APBA2: variants seen among roughly 807,000 people sequenced by gnomAD.
APBA2 encodes the protein amyloid-beta A4 precursor protein-binding family A member 2.
In APBA2, 30 loss-of-function variants were observed where a neutral mutation model predicts 75.0. The ratio of observed to expected loss-of-function variants is 0.40; its 90% confidence interval spans 0.30 to 0.54. APBA2 has a LOEUF of 0.54. Among genes scored for constraint, APBA2 ranks in the 20% least tolerant of loss-of-function variants. The probability of loss-of-function intolerance (pLI) is 0.49; values close to 1 mark genes in which losing one functional copy is unlikely to be tolerated. For synonymous variants in APBA2, 444 were observed against 409.6 expected, an observed-to-expected ratio of 1.08 and a Z score of -1.01; for missense variants, 801 against 1,016.1, an observed-to-expected ratio of 0.79 and a Z score of 2.88.
intron 3 of APBA2, among the ~76,000 whole-genome samples, chr15:29,005,984 G>A (rs1322757693): frequency 2.0e-5 from 3 of 152,174 alleles, no homozygotes; most frequent in Admixed American, 1.3e-4. Context: ...ATACCCAGTG[G>A]TGAAAAATTG....
At chr15:29,110,459 C>T (rs1305563652) in intron 13 of APBA2, among the ~76,000 whole-genome samples, 2 of 152,228 alleles carry the variant, frequency 1.3e-5, no homozygotes, top group South Asian at 2.1e-4. Flanking sequence ...GTGCTGCTCA[C>T]TGACAGCCCT....
Position 29,053,989 on chromosome 15 carries a change from G to C in APBA2, c.105G>C (p.Glu35Asp), listed in dbSNP as rs1447667941. The C allele has an allele frequency of 1.9e-6, 3 of 1,613,908 alleles. No individual in the cohort carries two copies. The highest frequency in any genetic ancestry group is 1.3e-5 in the African/African-American group (1 of 74,922). The change falls in exon 4 of 15, where the codon GAG (glutamate) becomes GAC (aspartate). Residue 35 changes from glutamate to aspartate, a missense_variant. Glu to Asp is a conservative substitution (Grantham distance 45). Coordinates refer to ENST00000683413, the MANE Select transcript of APBA2 (RefSeq NM_001353788.2). Reference sequence around the variant, plus strand: ...AGGAGCCCGAGAGCGAGGACATGGAGCTGCCCTTGGAGGGCTATGTGCCCG... The same window carrying C: ...AGGAGCCCGAGAGCGAGGACATGGACCTGCCCTTGGAGGGCTATGTGCCCG... ...HSQEPESEDM[E>D]LPLEGYVPEG...
At chr15:28,985,211 C>T (rs913758050) in intron 2 of APBA2, among the ~76,000 whole-genome samples, 5 of 152,184 alleles carry the variant, frequency 3.3e-5, no homozygotes, top group Non-Finnish European at 7.4e-5. Context: ...AGGCTGAGCA[C>T]GGCTGCTGTG....
intron 13 of APBA2, among the ~76,000 whole-genome samples, chr15:29,111,262 G>A (rs933155605): frequency 6.6e-6 from 1 of 152,210 alleles, no homozygotes; most frequent in Non-Finnish European, 1.5e-5. Flanking sequence ...GACGAGGAGG[G>A]TCTGGAGGTC....
intron 3 of APBA2, among the ~76,000 whole-genome samples, chr15:29,053,407 G>A (rs1263666075): frequency 6.6e-6 from 1 of 152,160 alleles, no homozygotes; most frequent in African/African-American, 2.4e-5. Flanking sequence ...AGGGGTCATG[G>A]ATTTAGATTG....
chr15:29,014,704 GTT>G (rs531887593), intron 3 of APBA2, among the ~76,000 whole-genome samples: 21 of 125,562 alleles, frequency 1.7e-4, no homozygotes, highest in Non-Finnish European at 1.2e-4. Flanking sequence ...TCATTTGACT[GTT>G]TTTTTTTTTT....
chr15:29,110,032 CT>C (rs2044646602), intron 13 of APBA2, among the ~76,000 whole-genome samples: 1 of 152,238 alleles, frequency 6.6e-6, no homozygotes, highest in South Asian at 2.1e-4. Flanking sequence ...CACATGTGAC[CT>C]GGGCACAAGC....
chr15:28,974,934 A>G (rs2037256687), intron 2 of APBA2, among the ~76,000 whole-genome samples: 1 of 152,190 alleles, frequency 6.6e-6, no homozygotes, highest in South Asian at 2.1e-4. Context: ...TGAGAAAAAA[A>G]TGAAACTGAT....
intron 3 of APBA2, among the ~76,000 whole-genome samples, chr15:29,008,198 A>T (rs931279101): frequency 1.3e-5 from 2 of 152,140 alleles, no homozygotes; most frequent in Non-Finnish European, 1.5e-5. Flanking sequence ...ATTCATGGAG[A>T]CAGAAAGTAG....
chr15:28,946,189 A>G (rs576345824), intron 2 of APBA2, among the ~76,000 whole-genome samples: 1 of 152,350 alleles, frequency 6.6e-6, no homozygotes, highest in Non-Finnish European at 1.5e-5. Context: ...AGAGATATCC[A>G]CACCCTAGCT....
At chr15:28,897,926 G>T (rs936390881) in intron 1 of APBA2, among the ~76,000 whole-genome samples, 12 of 152,150 alleles carry the variant, frequency 7.9e-5, no homozygotes, top group Admixed American at 2.0e-4. Flanking sequence ...TAAGGATTTT[G>T]TAATGAAGAG....
At chr15:28,939,319 G>C (rs1022410998) in intron 2 of APBA2, among the ~76,000 whole-genome samples, 76 of 152,152 alleles carry the variant, frequency 5.0e-4, no homozygotes, top group African/African-American at 1.8e-3. Flanking sequence ...CTGTGAACAG[G>C]GGTGTACAGA....
chr15:29,109,286 C>G (rs139543171), intron 13 of APBA2, among the ~76,000 whole-genome samples: 1 of 152,162 alleles, frequency 6.6e-6, no homozygotes, highest in Non-Finnish European at 1.5e-5. Context: ...AGGGTTACAC[C>G]CACCGTCAGG....
At chr15:28,898,979 A>T (rs968504801) in intron 1 of APBA2, among the ~76,000 whole-genome samples, 2 of 152,258 alleles carry the variant, frequency 1.3e-5, no homozygotes, top group Non-Finnish European at 2.9e-5. Context: ...ATGTATTTTT[A>T]TTTCTGCATA....
intron 6 of APBA2, among the ~76,000 whole-genome samples, chr15:29,089,048 C>T (rs907989175): frequency 1.3e-5 from 2 of 152,216 alleles, no homozygotes; most frequent in Admixed American, 6.5e-5. Context: ...CCAGAGCAGC[C>T]TCCCTGTCCC....
intron 2 of APBA2, among the ~76,000 whole-genome samples, chr15:28,932,575 T>G (rs530765490): frequency 6.6e-6 from 1 of 152,118 alleles, no homozygotes; most frequent in Non-Finnish European, 1.5e-5. Context: ...ACAGCCAGGG[T>G]TCCCTGACAG....
Position 29,078,428 on chromosome 15 carries a change from T to C in APBA2, c.1069+2337T>C, listed in dbSNP as rs2042942464. 2.0e-5 allele frequency among the ~76,000 whole-genome samples: 3 copies of C among 152,044 alleles called. No individual in the cohort carries two copies. In the South Asian group the frequency reaches 6.2e-4, roughly 32 times the overall value. On this transcript the variant is annotated intron_variant, in intron 6 of 14. Transcript: ENST00000683413. ...GAGTTCAAGACCAGCTTGACCAATA[T>C]GGTGAAACCCTGTCTCTACTAAAAA... is the stretch of plus-strand genomic sequence containing the variant.
chr15:29,030,349 C>G (rs1018270455), intron 3 of APBA2, among the ~76,000 whole-genome samples: 2 of 151,972 alleles, frequency 1.3e-5, no homozygotes, highest in Non-Finnish European at 2.9e-5. Flanking sequence ...ATAGTCCCAG[C>G]TACTCGGGAG....
chr15:28,905,092 G>C (rs2033071928), intron 1 of APBA2, among the ~76,000 whole-genome samples: 1 of 152,184 alleles, frequency 6.6e-6, no homozygotes, highest in Non-Finnish European at 1.5e-5. Context: ...GACTGCACAG[G>C]TGCCTGGGAG....
Sources: gnomAD v4.1 joint callset for allele counts (sites outside exome capture counted in the v4.1 genomes callset) on GRCh38, gnomAD v4.1.1 for gene constraint, MANE v1.5 for transcripts, NCBI Gene and HGNC (gene_info 2026-07-23, HGNC 2026-07-21) for gene names.